Variants in PGAP4 observed in about 807,000 individuals in gnomAD.
PGAP4 encodes the protein post-GPI attachment to proteins GalNAc transferase 4.
A neutral mutation model predicts 28.2 loss-of-function variants in PGAP4; 12 were observed. That is an observed-to-expected ratio of 0.42 (90% CI 0.27 to 0.69). The LOEUF (loss-of-function observed/expected upper bound fraction) is 0.69, where lower values mean the gene tolerates loss of function less well. PGAP4 is among the 30% of genes least tolerant of loss of function. The pLI is 0.22. For missense variants in PGAP4, 425 were observed against 513.5 expected (o/e 0.83, Z 1.67); for synonymous variants, 205 against 211.8 (o/e 0.97, Z 0.28).
At chr9:101,477,787 A>G (rs939670561) in intron 1 of PGAP4, among the ~76,000 whole-genome samples, 1 of 152,124 alleles carries the variant, frequency 6.6e-6, no homozygotes, top group Admixed American at 6.5e-5. Flanking sequence ...TTGTTCTCCC[A>G]TTTTATTTTT....
intron 2 of PGAP4, among the ~76,000 whole-genome samples, chr9:101,507,591 G>C (rs1378266979): frequency 1.3e-5 from 2 of 152,096 alleles, no homozygotes; most frequent in African/African-American, 4.8e-5. Flanking sequence ...ACACGAGACA[G>C]CCTTTGTAGG....
chr9:101,491,629 C>T (rs530600196), upstream of PGAP4, among the ~76,000 whole-genome samples: 1 of 151,698 alleles, frequency 6.6e-6, no homozygotes, highest in South Asian at 2.1e-4. Flanking sequence ...ATTCTTTATG[C>T]ATGTTATTCA....
chr9:101,508,166 A>G (rs2118603707), intron 2 of PGAP4, among the ~76,000 whole-genome samples: 1 of 146,980 alleles, frequency 6.8e-6, no homozygotes, highest in South Asian at 2.2e-4. Context: ...AATGTTAAAG[A>G]TCAGGAAGAA....
intron 1 of PGAP4, among the ~76,000 whole-genome samples, chr9:101,477,920 C>CGG (rs543881312): frequency 3.0e-4 from 44 of 148,762 alleles, no homozygotes; most frequent in Admixed American, 8.1e-4. Flanking sequence ...AATGAGGGAG[C>CGG]GGGGGGGGAA....
intron 2 of PGAP4, among the ~76,000 whole-genome samples, chr9:101,505,260 T>A (rs1277250240): frequency 6.6e-6 from 1 of 152,082 alleles, no homozygotes; most frequent in Non-Finnish European, 1.5e-5. Flanking sequence ...TAGCCATATG[T>A]GGAACATTCC....
chr9:101,532,811 T>G (rs1827114604), exon 1 of PGAP4: 1 of 152,198 alleles, frequency 6.6e-6, no homozygotes, highest in Non-Finnish European at 1.5e-5. Flanking sequence ...CCATCTTACT[T>G]CATTTACAGG....
At chr9:101,529,094 C>T (rs1827061907) in intron 2 of PGAP4, among the ~76,000 whole-genome samples, 1 of 151,344 alleles carries the variant, frequency 6.6e-6, no homozygotes, top group African/African-American at 2.4e-5. Flanking sequence ...CAGCTGCATC[C>T]ATGTCCCTGC....
chr9:101,475,785 A>T lies in PGAP4; in HGVS notation c.*96T>A. ...GTGCCTATATCTCTAACAACAGTAA[A>T]CAGTGAAATACCTGCAGGCAACCAT... On this transcript the variant is annotated 3_prime_UTR_variant, in exon 2 of 2. Coordinates refer to ENST00000374848, the MANE Select transcript of PGAP4 (RefSeq NM_032342.3). 6.8e-6 allele frequency: 9 copies of T among 1,318,190 alleles called. No homozygotes were observed. Among genetic ancestry groups the T allele is most frequent in the Non-Finnish European group, 9.5e-6 (9 of 944,792 alleles). The allele number at this position is 1,318,190 out of a possible 1,614,324, so 81.7% of individuals were successfully genotyped here. A position where few individuals can be genotyped will look rare whatever the true frequency, so the allele number is the denominator to read the frequency against.
At chr9:101,519,052 T>A (rs991397346) in intron 2 of PGAP4, among the ~76,000 whole-genome samples, 7 of 152,228 alleles carry the variant, frequency 4.6e-5, no homozygotes, top group Admixed American at 1.3e-4. Context: ...GATTTGCATT[T>A]CCCTGATCAT....
intron 2 of PGAP4, chr9:101,501,844 G>A: frequency 4.1e-6 from 2 of 487,330 alleles, no homozygotes; most frequent in African/African-American, 2.0e-5. Context: ...CAAAAAAGGG[G>A]GATCAAGTTC....
rs398073538 is a variant in PGAP4 at position 101,477,211 on chromosome 9, A to AAACAAAC, written c.-77-43_-77-42insGTTTGTT. 489 of 1,246,404 alleles carry AAACAAAC rather than the reference A, an allele frequency of 3.9e-4. 3 individuals are homozygous for AAACAAAC. The highest frequency in any genetic ancestry group is 3.1e-3 in the African/African-American group (198 of 64,072). 77.2% of individuals were successfully genotyped at this position (1,246,404 alleles called of 1,614,324 possible). On this transcript the variant is annotated intron_variant, in intron 1 of 1. Transcript: ENST00000374848. Reference sequence around the variant, plus strand: ...TAGGGAATGGTAAGAGTAACTTAAAAAAACAAACAAACAAACAAACAAAAA... The same window carrying AAACAAAC: ...TAGGGAATGGTAAGAGTAACTTAAAAAACAAACAAACAAACAAACAAACAAACAAAAA...
intron 2 of PGAP4, among the ~76,000 whole-genome samples, chr9:101,528,826 A>G (rs1335718489): frequency 6.6e-6 from 1 of 150,498 alleles, no homozygotes; most frequent in Non-Finnish European, 1.5e-5. Flanking sequence ...TCAGAGGCAC[A>G]TGTGCAGTTT....
At chr9:101,487,569 A>T (rs1433974502), upstream of PGAP4, among the ~76,000 whole-genome samples, 2 of 152,196 alleles carry the variant, frequency 1.3e-5, no homozygotes, top group African/African-American at 4.8e-5. Flanking sequence ...GGGAGGAAAA[A>T]TGTGGGGGTC....
intron 2 of PGAP4, among the ~76,000 whole-genome samples, chr9:101,522,580 C>T (rs532401827): frequency 3.3e-5 from 5 of 152,224 alleles, no homozygotes; most frequent in East Asian, 3.9e-4. Flanking sequence ...CTTTTTTCCA[C>T]GTCTTTACTT....
chr9:101,521,816 G>T (rs1377951135), intron 2 of PGAP4, among the ~76,000 whole-genome samples: 2 of 151,994 alleles, frequency 1.3e-5, no homozygotes, highest in African/African-American at 2.4e-5. Context: ...GTGTCTGTTT[G>T]CACTCTTTTG....
intron 2 of PGAP4, among the ~76,000 whole-genome samples, chr9:101,522,422 T>C (rs1408575712): frequency 6.6e-6 from 1 of 152,166 alleles, no homozygotes; most frequent in Non-Finnish European, 1.5e-5. Flanking sequence ...ATGTTTAAGA[T>C]TGTGATATTT....
chr9:101,497,913 C>T (rs927442078), intron 2 of PGAP4, among the ~76,000 whole-genome samples: 1 of 151,492 alleles, frequency 6.6e-6, no homozygotes, highest in Non-Finnish European at 1.5e-5. Context: ...AAACAAAGAG[C>T]TTATAGTTTT....
At chr9:101,481,919 C>G (rs1022472735) in intron 1 of PGAP4, among the ~76,000 whole-genome samples, 5 of 152,090 alleles carry the variant, frequency 3.3e-5, no homozygotes, top group Non-Finnish European at 7.4e-5. Context: ...CTCTTTTCCC[C>G]TCGCCTTCCC....
At chr9:101,515,372 C>A (rs1378533409) in intron 2 of PGAP4, among the ~76,000 whole-genome samples, 1 of 152,110 alleles carries the variant, frequency 6.6e-6, no homozygotes, top group Non-Finnish European at 1.5e-5. Context: ...CCAGATAATT[C>A]AGGATAATTC....
Sources: gnomAD v4.1 joint callset for allele counts (sites outside exome capture counted in the v4.1 genomes callset) on GRCh38, gnomAD v4.1.1 for gene constraint, MANE v1.5 for transcripts, NCBI Gene and HGNC (gene_info 2026-07-23, HGNC 2026-07-21) for gene names.